GBE1: variants seen among roughly 807,000 people sequenced by gnomAD.
The protein encoded by GBE1 is 1,4-alpha-glucan branching enzyme 1, also known as 1,4-alpha-glucan-branching enzyme.
A neutral mutation model predicts 88.8 loss-of-function variants in GBE1; 70 were observed. That is an observed-to-expected ratio of 0.79 (90% CI 0.65 to 0.96). The LOEUF (loss-of-function observed/expected upper bound fraction) is 0.96, where lower values mean the gene tolerates loss of function less well. Among genes scored for constraint, GBE1 ranks in the 40% least tolerant of loss-of-function variants. The pLI, the probability that GBE1 is intolerant of heterozygous loss-of-function variation, is 0.00. For synonymous variants in GBE1, 284 were observed against 300.1 expected (o/e 0.95, Z 0.56); for missense variants, 872 against 871.0 (o/e 1.00, Z -0.01).
chr3:81,662,907 T>C (rs1227758826), intron 3 of GBE1, among the ~76,000 whole-genome samples: 1 of 152,178 alleles, frequency 6.6e-6, no homozygotes, highest in Non-Finnish European at 1.5e-5. Flanking sequence ...AATGAACTCA[T>C]ATAAGAAACG....
intron 1 of GBE1, among the ~76,000 whole-genome samples, chr3:81,720,098 A>G (rs1377708061): frequency 6.6e-6 from 1 of 152,130 alleles, no homozygotes; most frequent in African/African-American, 2.4e-5. Flanking sequence ...TGAAATATCA[A>G]AGATCTATCA....
intron 14 of GBE1, among the ~76,000 whole-genome samples, chr3:81,528,167 T>C (rs973585575): frequency 7.3e-6 from 1 of 137,522 alleles, no homozygotes; most frequent in South Asian, 2.3e-4. Flanking sequence ...AATTGAACAA[T>C]GAGAACACAT....
intron 14 of GBE1, among the ~76,000 whole-genome samples, chr3:81,528,801 T>G (rs1268502872): frequency 2.0e-5 from 3 of 152,078 alleles, no homozygotes; most frequent in Non-Finnish European, 4.4e-5. Context: ...CTCTTGCTGT[T>G]TTATGCTTTC....
At chr3:81,696,870 C>G (rs1386916380) in intron 2 of GBE1, among the ~76,000 whole-genome samples, 1 of 152,068 alleles carries the variant, frequency 6.6e-6, no homozygotes, top group Non-Finnish European at 1.5e-5. Flanking sequence ...AGGTCCATAC[C>G]AGGAAAAACT....
intron 1 of GBE1, among the ~76,000 whole-genome samples, chr3:81,750,643 A>ATATG (rs1553696623): frequency 4.0e-5 from 2 of 49,744 alleles, no homozygotes; most frequent in African/African-American, 2.5e-4. Flanking sequence ...ATATATATAT[A>ATATG]TGTATATATA....
At chr3:81,646,549 A>G (rs1704766679) in intron 5 of GBE1, 67 bp from the exon 6 acceptor site, 8 of 858,108 alleles carry the variant, frequency 9.3e-6, no homozygotes, top group South Asian at 6.4e-5. Context: ...GGGGAAAAAA[A>G]GCATCCTTAT....
chr3:81,609,024 T>A (rs560160071), intron 7 of GBE1, among the ~76,000 whole-genome samples: 3 of 152,286 alleles, frequency 2.0e-5, no homozygotes, highest in Admixed American at 1.3e-4. Context: ...CTAAAACGAA[T>A]GGAGACACTA....
At chr3:81,664,724 T>C (rs1163139060) in intron 3 of GBE1, among the ~76,000 whole-genome samples, 1 of 152,204 alleles carries the variant, frequency 6.6e-6, no homozygotes, top group Non-Finnish European at 1.5e-5. Flanking sequence ...TTTGCAAAAA[T>C]CACCCACTGT....
intron 7 of GBE1, among the ~76,000 whole-genome samples, chr3:81,601,791 ATAATCCCTTTTT>A (rs1704036361): frequency 1.3e-5 from 2 of 152,346 alleles, no homozygotes; most frequent in African/African-American, 4.8e-5. Flanking sequence ...TCAAAGCTAA[ATAATCCCTTTTT>A]TAAATTCAGC....
intron 3 of GBE1, among the ~76,000 whole-genome samples, chr3:81,651,694 G>C (rs1704853591): frequency 6.6e-6 from 1 of 152,078 alleles, no homozygotes; most frequent in African/African-American, 2.4e-5. Context: ...CTATAAACCA[G>C]TTTTCCGTGA....
In GBE1 at chr3:81,723,728, G is replaced by A. The variant is rs1373570506; in HGVS notation, c.144-18115C>T. On this transcript the variant is annotated intron_variant, in intron 1 of 15. Coordinates refer to ENST00000429644, the MANE Select transcript of GBE1 (RefSeq NM_000158.4). The stretch of plus-strand genomic sequence containing the variant: ...GCATGACGTACTCATTCTCTGCTAA[G>A]ACTGGTTACCACCAACGCACAAAAG... Among the ~76,000 whole-genome samples the A allele has an allele frequency of 2.0e-5, 3 of 152,100 alleles. No individual in the cohort carries two copies. The East Asian group carries it at 5.8e-4, about 29-fold the overall frequency.
intron 2 of GBE1, among the ~76,000 whole-genome samples, chr3:81,685,050 C>A (rs969078948): frequency 6.6e-6 from 1 of 152,122 alleles, no homozygotes; most frequent in African/African-American, 2.4e-5. Flanking sequence ...ACAAAAGTAT[C>A]ATAAAAGAGA....
chr3:81,682,728 C>G (rs753412598), intron 2 of GBE1, among the ~76,000 whole-genome samples: 6 of 152,136 alleles, frequency 3.9e-5, no homozygotes, highest in Non-Finnish European at 7.4e-5. Flanking sequence ...TACCATTAGA[C>G]ACAGCAATTC....
chr3:81,637,787 T>G (rs994219448), intron 7 of GBE1, among the ~76,000 whole-genome samples: 2 of 152,136 alleles, frequency 1.3e-5, no homozygotes, highest in Non-Finnish European at 2.9e-5. Flanking sequence ...GCTAGTATAC[T>G]GATGCATAAT....
At chr3:81,570,539 A>G (rs889544766) in intron 12 of GBE1, among the ~76,000 whole-genome samples, 5 of 152,256 alleles carry the variant, frequency 3.3e-5, no homozygotes, top group African/African-American at 7.2e-5. Flanking sequence ...CAAAAAGTGC[A>G]TGATCTTTAT....
At chr3:81,751,480 T>C (rs140901981) in intron 1 of GBE1, among the ~76,000 whole-genome samples, 310 of 152,248 alleles carry the variant, frequency 2.0e-3, no homozygotes, top group Middle Eastern at 0.014. Flanking sequence ...AACCTGTAAA[T>C]GGGAAGAACC....
intron 14 of GBE1, among the ~76,000 whole-genome samples, chr3:81,515,005 G>GA (rs201887288): frequency 0.01 from 1,522 of 149,748 alleles, 28 homozygotes; most frequent in African/African-American, 0.035. Context: ...TTTTTAAATA[G>GA]AAAAAAAAAC....
At chr3:81,682,132 A>G (rs904352603) in intron 2 of GBE1, among the ~76,000 whole-genome samples, 1 of 152,240 alleles carries the variant, frequency 6.6e-6, no homozygotes, top group Non-Finnish European at 1.5e-5. Flanking sequence ...AGACATTTCT[A>G]CCAACAAGAT....
intron 2 of GBE1, among the ~76,000 whole-genome samples, chr3:81,702,079 C>G (rs914635000): frequency 2.4e-5 from 3 of 122,720 alleles, no homozygotes; most frequent in African/African-American, 9.5e-5. Context: ...ATACAGAATC[C>G]CTGGAGAGAG....
Sources: gnomAD v4.1 joint callset for allele counts (sites outside exome capture counted in the v4.1 genomes callset) on GRCh38, gnomAD v4.1.1 for gene constraint, MANE v1.5 for transcripts, NCBI Gene and HGNC (gene_info 2026-07-23, HGNC 2026-07-21) for gene names.